Variants in MIER1 observed in about 807,000 individuals in gnomAD.
MIER1 encodes mesoderm induction early response protein 1.
A neutral mutation model predicts 75.7 loss-of-function variants in MIER1; 40 were observed. The ratio of observed to expected loss-of-function variants is 0.53; its 90% confidence interval spans 0.41 to 0.69. MIER1 has a LOEUF of 0.69. Among genes scored for constraint, MIER1 ranks in the 30% least tolerant of loss-of-function variants. The pLI, the probability that MIER1 is intolerant of heterozygous loss-of-function variation, is 0.00. For synonymous variants in MIER1, 213 were observed against 223.4 expected, an observed-to-expected ratio of 0.95 and a Z score of 0.42; for missense variants, 574 against 680.2, an observed-to-expected ratio of 0.84 and a Z score of 1.74.
chr1:66,941,249 C>G (rs1299685316), intron 3 of MIER1, among the ~76,000 whole-genome samples: 1 of 152,116 alleles, frequency 6.6e-6, no homozygotes, highest in East Asian at 1.9e-4. Context: ...CTGAAAGCAT[C>G]TTACTCTTTT....
intron 3 of MIER1, among the ~76,000 whole-genome samples, chr1:66,941,452 G>GT (rs990888563): frequency 1.3e-5 from 2 of 151,566 alleles, no homozygotes; most frequent in African/African-American, 4.9e-5. Context: ...CGCAGAAATT[G>GT]TTTTCATAGA....
intron 3 of MIER1, among the ~76,000 whole-genome samples, chr1:66,941,063 T>G (rs571104242): frequency 3.3e-5 from 5 of 152,338 alleles, no homozygotes; most frequent in African/African-American, 1.2e-4. Context: ...GTGTTTAAAG[T>G]TTTAGAAAGA....
rs529936087 is a variant in MIER1, at chr1:66,938,879, A to G, written c.169-1149A>G. Among the ~76,000 whole-genome samples the G allele has an allele frequency of 1.4e-4, 22 of 152,324 alleles. 1 individual carries two copies. In the East Asian group the frequency reaches 1.5e-3, roughly 11 times the overall value. On this transcript the variant is annotated intron_variant, in intron 2 of 13. Coordinates refer to ENST00000401041, the MANE Select transcript of MIER1 (RefSeq NM_001077700.3). ...GTGCCACAAAAGAATGAGTCACCAT[A>G]TGGAATCTAGAATCCCATACTTACT...
chr1:66,941,902 A>C (rs1313864097), intron 3 of MIER1, among the ~76,000 whole-genome samples: 3 of 151,134 alleles, frequency 2.0e-5, no homozygotes, highest in Non-Finnish European at 4.4e-5. Flanking sequence ...CTGGGAGGTG[A>C]AGGTTGCAGT....
intron 8 of MIER1, among the ~76,000 whole-genome samples, chr1:66,967,461 T>C (rs1046689789): frequency 6.6e-6 from 1 of 152,236 alleles, no homozygotes; most frequent in Non-Finnish European, 1.5e-5. Flanking sequence ...CTGCTTAGGA[T>C]AGCTTTGGCT....
At chr1:66,973,701 A>G (rs1397642527) in intron 11 of MIER1, among the ~76,000 whole-genome samples, 5 of 152,132 alleles carry the variant, frequency 3.3e-5, no homozygotes, top group African/African-American at 1.2e-4. Context: ...TGTTGTTTCC[A>G]TGAGCAACAC....
chr1:66,936,914 G>A (rs551269835), intron 2 of MIER1, among the ~76,000 whole-genome samples: 6 of 146,850 alleles, frequency 4.1e-5, no homozygotes, highest in South Asian at 2.2e-4. Flanking sequence ...CAGGGGAATT[G>A]CTTGAACCCA....
intron 2 of MIER1, among the ~76,000 whole-genome samples, chr1:66,935,030 A>G (rs1654433417): frequency 2.0e-5 from 3 of 152,228 alleles, no homozygotes. Context: ...AAATTTGTTC[A>G]GACGGTAATA....
At chr1:66,926,733 T>TA (rs1368141439) in intron 2 of MIER1, among the ~76,000 whole-genome samples, 4 of 152,212 alleles carry the variant, frequency 2.6e-5, no homozygotes, top group African/African-American at 9.6e-5. Flanking sequence ...AAATAGTTTA[T>TA]AAACTAATCT....
In MIER1 at chr1:66,985,685, TGTTA is replaced by T; in HGVS notation, c.*786_*789del. ...GTTGGTAAACTTTTATGAGAGGAAT[TGTTA>T]TTCTGAGTCTGTCAGCTTTCATTTT... On this transcript the variant is annotated 3_prime_UTR_variant, in exon 14 of 14. Coordinates refer to ENST00000401041, the MANE Select transcript of MIER1 (RefSeq NM_001077700.3). The T allele has an allele frequency of 1.0e-6, 1 of 985,186 alleles. No homozygotes were observed. Among genetic ancestry groups the T allele is most frequent in the Non-Finnish European group, 1.2e-6 (1 of 829,646 alleles). The allele number at this position is 985,186 out of a possible 1,614,324, so 61.0% of individuals were successfully genotyped here.
At chr1:66,930,491 C>G (rs1415071554) in intron 2 of MIER1, 13 of 1,353,976 alleles carry the variant, frequency 9.6e-6, no homozygotes, top group African/African-American at 1.5e-5. Context: ...CCAGGAGAGG[C>G]CCGGCCCTGC....
intron 3 of MIER1, among the ~76,000 whole-genome samples, chr1:66,945,736 A>G (rs1260292182): frequency 6.6e-6 from 1 of 152,120 alleles, no homozygotes; most frequent in Non-Finnish European, 1.5e-5. Context: ...TGTTGTGGTC[A>G]TAGTCCCAGC....
chr1:66,974,375 GAA>G (rs1229718273), intron 11 of MIER1, among the ~76,000 whole-genome samples: 2 of 151,284 alleles, frequency 1.3e-5, no homozygotes, highest in African/African-American at 4.9e-5. Context: ...GATTAAAAAA[GAA>G]AAAAGTTCGT....
chr1:66,951,112 T>TA (rs748720365), intron 4 of MIER1, among the ~76,000 whole-genome samples: 61 of 152,288 alleles, frequency 4.0e-4, no homozygotes, highest in Non-Finnish European at 6.6e-4. Flanking sequence ...TATAATATGT[T>TA]AGTGTTTGAT....
intron 10 of MIER1, among the ~76,000 whole-genome samples, chr1:66,972,531 TATCTC>T (rs779091065): frequency 2.0e-5 from 3 of 151,844 alleles, no homozygotes; most frequent in African/African-American, 4.8e-5. Flanking sequence ...GCAAAAGAAT[TATCTC>T]AGTGAAAGGG....
In MIER1 at chr1:66,964,448, C is replaced by CTTTT. The variant is rs71058483; in HGVS notation, c.772+1306_772+1309dup. On this transcript the variant is annotated intron_variant, in intron 8 of 13. Coordinates refer to ENST00000401041, the MANE Select transcript of MIER1 (RefSeq NM_001077700.3). ...CCAGAAAAAATGCTGTGTATGTTTC[C>CTTTT]TTTTTTTTTTTTTTTTTTTTTGAGA... Among the ~76,000 whole-genome samples the CTTTT allele has an allele frequency of 1.9e-4, 23 of 119,788 alleles. 1 individual carries two copies. The highest frequency in any genetic ancestry group is 7.4e-4 in the African/African-American group (23 of 31,194). 78.6% of individuals were successfully genotyped at this position (119,788 alleles called of 152,430 possible). A position where few individuals can be genotyped will look rare whatever the true frequency, so the allele number is the denominator to read the frequency against.
At chr1:66,974,102 T>A (rs915019079) in intron 11 of MIER1, among the ~76,000 whole-genome samples, 19 of 152,068 alleles carry the variant, frequency 1.2e-4, no homozygotes, top group African/African-American at 3.9e-4. Flanking sequence ...TTTTATTATT[T>A]TTTTTTTAAG....
chr1:66,966,862 T>G (rs1029729171), intron 8 of MIER1, among the ~76,000 whole-genome samples: 6 of 152,216 alleles, frequency 3.9e-5, no homozygotes, highest in African/African-American at 7.2e-5. Flanking sequence ...ATCAGATTAT[T>G]AGACTTTTTT....
At position 66,929,821 on chromosome 1, in the gene MIER1, A is replaced by G. The variant is rs112418944; in HGVS notation, c.168+3579A>G. Among the ~76,000 whole-genome samples the G allele has an allele frequency of 2.3e-3, 344 of 152,298 alleles. 5 individuals are homozygous for G. The highest frequency in any genetic ancestry group is 7.8e-3 in the African/African-American group (324 of 41,566). On this transcript the variant is annotated intron_variant, in intron 2 of 13. Transcript: ENST00000401041. The stretch of plus-strand genomic sequence containing the variant: ...GTCGGGAATCTACTGATGGAGAAAT[A>G]TTTGTCAAGGCATAACCGCTTTCAA...
Sources: gnomAD v4.1 joint callset for allele counts (sites outside exome capture counted in the v4.1 genomes callset) on GRCh38, gnomAD v4.1.1 for gene constraint, MANE v1.5 for transcripts, NCBI Gene and HGNC (gene_info 2026-07-23, HGNC 2026-07-21) for gene names.